Variants in KCNH7 observed in about 807,000 individuals in gnomAD.
The protein encoded by KCNH7 is potassium voltage-gated channel subfamily H member 7.
A neutral mutation model predicts 120.8 loss-of-function variants in KCNH7; 49 were observed. The ratio of observed to expected loss-of-function variants is 0.41; its 90% confidence interval spans 0.32 to 0.51. The LOEUF is 0.51. KCNH7 is among the 20% of genes least tolerant of loss of function. The pLI, the probability that KCNH7 is intolerant of heterozygous loss-of-function variation, is 0.38. For missense variants in KCNH7, 1,097 were observed against 1,446.6 expected (o/e 0.76, Z 3.92); for synonymous variants, 547 against 516.1 (o/e 1.06, Z -0.81).
chr2:162,619,252 T>C (rs934817640), intron 2 of KCNH7, among the ~76,000 whole-genome samples: 1 of 151,728 alleles, frequency 6.6e-6, no homozygotes, highest in Non-Finnish European at 1.5e-5. Flanking sequence ...TCCCCCAAAA[T>C]AAAAAAGGCT....
chr2:162,828,736 A>C (rs1365220585), intron 2 of KCNH7, among the ~76,000 whole-genome samples: 1 of 152,152 alleles, frequency 6.6e-6, no homozygotes, highest in Non-Finnish European at 1.5e-5. Context: ...AACCTCACAC[A>C]TTCTGCCCGG....
At chr2:162,622,309 G>A (rs760297607) in intron 2 of KCNH7, among the ~76,000 whole-genome samples, 1 of 152,140 alleles carries the variant, frequency 6.6e-6, no homozygotes, top group Non-Finnish European at 1.5e-5. Context: ...TCGCTTTTGC[G>A]AGCAGTGAGG....
At chr2:162,500,781 C>T (rs1690660983) in intron 6 of KCNH7, among the ~76,000 whole-genome samples, 1 of 152,010 alleles carries the variant, frequency 6.6e-6, no homozygotes, top group East Asian at 1.9e-4. Context: ...CTGCCTACAG[C>T]AAACATGTTG....
intron 2 of KCNH7, among the ~76,000 whole-genome samples, chr2:162,664,758 T>G (rs1035617147): frequency 6.6e-6 from 1 of 152,156 alleles, no homozygotes. Flanking sequence ...TCAGTTAGTA[T>G]ACAGTAGATA....
intron 2 of KCNH7, among the ~76,000 whole-genome samples, chr2:162,576,796 A>C (rs1693684083): frequency 6.6e-6 from 1 of 152,080 alleles, no homozygotes; most frequent in South Asian, 2.1e-4. Context: ...TGACAGAAAG[A>C]AAGGAAAGGT....
At chr2:162,481,192 T>C (rs1233933632) in intron 6 of KCNH7, among the ~76,000 whole-genome samples, 1 of 152,220 alleles carries the variant, frequency 6.6e-6, no homozygotes, top group African/African-American at 2.4e-5. Flanking sequence ...GGCAGGGATG[T>C]GTCACCACTG....
At chr2:162,751,568 T>C (rs1184831245) in intron 2 of KCNH7, among the ~76,000 whole-genome samples, 4 of 151,380 alleles carry the variant, frequency 2.6e-5, no homozygotes, top group Admixed American at 1.3e-4. Flanking sequence ...AAAAGAATTT[T>C]TTACAAATTG....
chr2:162,526,490 C>G (rs953578016), intron 3 of KCNH7, among the ~76,000 whole-genome samples: 9 of 151,832 alleles, frequency 5.9e-5, no homozygotes, highest in African/African-American at 1.7e-4. Context: ...ACGCCGCCCC[C>G]CCGAAGCAGC....
At chr2:162,414,548 T>C (rs1393756264) in intron 9 of KCNH7, among the ~76,000 whole-genome samples, 1 of 151,848 alleles carries the variant, frequency 6.6e-6, no homozygotes, top group African/African-American at 2.4e-5. Context: ...TCACGAGATA[T>C]TAAGGGAGAA....
chr2:162,380,040 T>C lies in KCNH7; in HGVS notation c.2963-19A>G, dbSNP rs1200366234. 2 of 1,613,182 alleles carry C rather than the reference T, an allele frequency of 1.2e-6. No individual in the cohort carries two copies. The highest frequency in any genetic ancestry group is 1.3e-5 in the African/African-American group (1 of 74,882). On this transcript the variant is annotated intron_variant, in intron 13 of 15. Transcript: ENST00000332142. ...GTGATATCTGTGGAAAATAGCAAGA[T>C]GGATGTCAACACTCTTAGGTGCCCC...
intron 2 of KCNH7, among the ~76,000 whole-genome samples, chr2:162,775,871 T>G (rs186072394): frequency 1.1e-4 from 16 of 152,278 alleles, no homozygotes; most frequent in East Asian, 7.7e-4. Context: ...TGGATGCCAG[T>G]TTTAAAGTAC....
intron 2 of KCNH7, among the ~76,000 whole-genome samples, chr2:162,804,003 G>A (rs1338835414): frequency 6.6e-6 from 1 of 151,730 alleles, no homozygotes; most frequent in East Asian, 1.9e-4. Flanking sequence ...AAGTATATCT[G>A]ACACCATTAG....
intron 12 of KCNH7, among the ~76,000 whole-genome samples, chr2:162,392,620 A>T (rs890421593): frequency 1.3e-5 from 2 of 152,032 alleles, no homozygotes; most frequent in Non-Finnish European, 2.9e-5. Flanking sequence ...CAGGGGGCCA[A>T]ATATTTTCCA....
intron 2 of KCNH7, among the ~76,000 whole-genome samples, chr2:162,776,142 G>A (rs2105482105): frequency 6.6e-6 from 1 of 152,244 alleles, no homozygotes; most frequent in African/African-American, 2.4e-5. Flanking sequence ...TATTTAGCAG[G>A]TATTTATCAA....
At chr2:162,630,783 T>C (rs1164015827) in intron 2 of KCNH7, among the ~76,000 whole-genome samples, 5 of 151,986 alleles carry the variant, frequency 3.3e-5, no homozygotes, top group African/African-American at 9.7e-5. Context: ...CGTGAGAAAA[T>C]AACCTTTAAA....
intron 9 of KCNH7, among the ~76,000 whole-genome samples, chr2:162,408,996 A>C (rs1250268428): frequency 6.6e-6 from 1 of 151,872 alleles, no homozygotes; most frequent in Non-Finnish European, 1.5e-5. Context: ...CAATGCCTTC[A>C]TTATCAAAAA....
At chr2:162,781,206 C>T (rs1683469951) in intron 2 of KCNH7, among the ~76,000 whole-genome samples, 1 of 151,996 alleles carries the variant, frequency 6.6e-6, no homozygotes, top group Admixed American at 6.6e-5. Context: ...TTGTCTTCAG[C>T]ATTGTGCTAA....
chr2:162,797,946 T>C (rs948282886), intron 2 of KCNH7: 2 of 152,138 alleles, frequency 1.3e-5, no homozygotes, highest in Non-Finnish European at 2.9e-5. Flanking sequence ...GGCCCATTTC[T>C]AAATTAAAAG....
In KCNH7 at chr2:162,552,853, A is replaced by G. The variant is rs760442323; in HGVS notation, c.308-15773T>C. On this transcript the variant is annotated intron_variant, in intron 2 of 15. Transcript: ENST00000332142. ...TGGAAAATGGATTCTGCCATTAACC[A>G]GTGAGTTTGGAAGAGGACCCGAGTC... is the stretch of plus-strand genomic sequence containing the variant. 2.6e-5 allele frequency among the ~76,000 whole-genome samples: 4 copies of G among 152,308 alleles called. No individual in the cohort carries two copies. The East Asian group carries it at 7.8e-4, about 30-fold the overall frequency.
Sources: gnomAD v4.1 joint callset for allele counts (sites outside exome capture counted in the v4.1 genomes callset) on GRCh38, gnomAD v4.1.1 for gene constraint, MANE v1.5 for transcripts, NCBI Gene and HGNC (gene_info 2026-07-23, HGNC 2026-07-21) for gene names.